Variants in NTRK3 observed in about 807,000 individuals in gnomAD.
NTRK3 encodes the protein neurotrophic receptor tyrosine kinase 3.
A neutral mutation model predicts 91.7 loss-of-function variants in NTRK3; 24 were observed. The observed-to-expected ratio is 0.26, with a 90% confidence interval of 0.19 to 0.37. The LOEUF (loss-of-function observed/expected upper bound fraction) is 0.37. Ranked by LOEUF, NTRK3 falls within the 10% of genes least tolerant of loss-of-function variation. The pLI, the probability that NTRK3 is intolerant of heterozygous loss-of-function variation, is 1.00. For missense variants in NTRK3, 880 were observed against 1,068.9 expected (o/e 0.82, Z 2.46); for synonymous variants, 483 against 404.0 (o/e 1.20, Z -2.34).
chr15:88,081,780 C>T (rs1276587105), intron 13 of NTRK3, among the ~76,000 whole-genome samples: 3 of 152,204 alleles, frequency 2.0e-5, no homozygotes, highest in African/African-American at 7.2e-5. Flanking sequence ...CATATGGTAA[C>T]AGCCCCCAAC....
At chr15:87,867,970 T>C (rs751503533) in exon 19 of NTRK3, 2 of 229,274 alleles carry the variant, frequency 8.7e-6, no homozygotes, top group Non-Finnish European at 1.7e-5. Context: ...AAGCCTTAAT[T>C]TCATGAGCTC....
chr15:88,022,882 T>C (rs1311967622), intron 14 of NTRK3, among the ~76,000 whole-genome samples: 1 of 152,190 alleles, frequency 6.6e-6, no homozygotes, highest in Non-Finnish European at 1.5e-5. Flanking sequence ...AGTATGTGAT[T>C]ATGGCAGTGA....
chr15:88,159,093 G>A (rs533930588), intron 5 of NTRK3, among the ~76,000 whole-genome samples: 4 of 152,220 alleles, frequency 2.6e-5, no homozygotes, highest in Non-Finnish European at 5.9e-5. Flanking sequence ...AGGCTGGTGG[G>A]AGCCTGCAGG....
chr15:88,030,640 C>T (rs2078447947), intron 14 of NTRK3, among the ~76,000 whole-genome samples: 1 of 152,124 alleles, frequency 6.6e-6, no homozygotes, highest in South Asian at 2.1e-4. Flanking sequence ...AATTTATGTG[C>T]AGTGCCAAAA....
chr15:88,255,779 G>C lies in NTRK3; in HGVS notation c.248+127C>G, dbSNP rs2053984365. The C allele has an allele frequency of 1.4e-6, 1 of 722,584 alleles. No individual in the cohort carries two copies. Among genetic ancestry groups the C allele is most frequent in the Non-Finnish European group, 2.0e-6 (1 of 510,616 alleles). 44.8% of individuals were successfully genotyped at this position (722,584 alleles called of 1,614,324 possible). ...TCTCCCGAGCCAGAGCGAGCCTGAC[G>C]CGCGCCCAGCGGGCGGCGGGCAGCG... On this transcript the variant is annotated intron_variant, in intron 3 of 18. Coordinates refer to ENST00000394480, the Ensembl canonical transcript of NTRK3. This position sits in a 1 kb window ranked among gnomAD's most constrained non-coding sequence, Gnocchi z 4.3.
At chr15:87,914,369 T>G (rs1031444920) in intron 17 of NTRK3, among the ~76,000 whole-genome samples, 1 of 152,364 alleles carries the variant, frequency 6.6e-6, no homozygotes, top group South Asian at 2.1e-4. Context: ...CAGATCCAGC[T>G]GGCTTTCCCT....
At chr15:88,239,155 G>T (rs1242531055) in intron 3 of NTRK3, among the ~76,000 whole-genome samples, 3 of 152,230 alleles carry the variant, frequency 2.0e-5, no homozygotes, top group African/African-American at 7.2e-5. Flanking sequence ...GGTGGGACTG[G>T]AGTGACAGGG....
At chr15:88,049,589 CTGAATAA>C (rs1346986682) in intron 13 of NTRK3, among the ~76,000 whole-genome samples, 1 of 152,204 alleles carries the variant, frequency 6.6e-6, no homozygotes, top group Non-Finnish European at 1.5e-5. Flanking sequence ...CAAGCCTTAT[CTGAATAA>C]TGTCAACCCT....
chr15:87,884,199 T>G (rs1037097014), intron 17 of NTRK3, among the ~76,000 whole-genome samples: 74 of 151,722 alleles, frequency 4.9e-4, no homozygotes, highest in African/African-American at 1.7e-3. Context: ...TAATAAGGGA[T>G]GTAGAGGAGA....
intron 14 of NTRK3, among the ~76,000 whole-genome samples, chr15:88,001,409 A>G (rs2076091247): frequency 6.6e-6 from 1 of 152,114 alleles, no homozygotes; most frequent in African/African-American, 2.4e-5. Context: ...AGAAATCATT[A>G]CCTAATCCAA....
chr15:88,213,735 G>A (rs1290606863), intron 3 of NTRK3, among the ~76,000 whole-genome samples: 1 of 152,114 alleles, frequency 6.6e-6, no homozygotes, highest in African/African-American at 2.4e-5. Flanking sequence ...AAGAAACCGA[G>A]GCACAGAGGA....
chr15:88,002,588 G>A (rs2076190773), intron 14 of NTRK3, among the ~76,000 whole-genome samples: 1 of 149,662 alleles, frequency 6.7e-6, no homozygotes, highest in Admixed American at 6.8e-5. Context: ...GGCAAACAAA[G>A]CAACAAACAA....
chr15:88,151,874 C>T (rs2043412376), intron 5 of NTRK3, among the ~76,000 whole-genome samples: 1 of 152,212 alleles, frequency 6.6e-6, no homozygotes, highest in Non-Finnish European at 1.5e-5. Flanking sequence ...GCTATTAAAC[C>T]AGACTGCCTC....
chr15:88,004,217 C>A (rs552506814), intron 14 of NTRK3, among the ~76,000 whole-genome samples: 14 of 152,284 alleles, frequency 9.2e-5, no homozygotes, highest in Admixed American at 3.9e-4. Flanking sequence ...TAATGCCCCT[C>A]CTGGCATCCC....
In NTRK3 at chr15:88,137,388, G is replaced by A. The variant is rs1227508127; in HGVS notation, c.622+16C>T. ...GCCTCCCTGGAGCCAGCTGGGCCAG[G>A]CGGCCACTCACTCACCACACTGACT... On this transcript the variant is annotated intron_variant, in intron 7 of 18. Transcript: ENST00000394480. 6.2e-6 allele frequency: 10 copies of A among 1,612,716 alleles called. No individual in the cohort carries two copies. Among genetic ancestry groups the A allele is most frequent in the African/African-American group, 1.3e-5 (1 of 74,934 alleles).
At chr15:87,885,375 T>C (rs1304198917) in intron 17 of NTRK3, among the ~76,000 whole-genome samples, 1 of 151,826 alleles carries the variant, frequency 6.6e-6, no homozygotes, top group Non-Finnish European at 1.5e-5. Context: ...AAAACCCAAA[T>C]GAAATGGTGT....
At chr15:88,032,354 G>A (rs2078617643) in intron 14 of NTRK3, among the ~76,000 whole-genome samples, 1 of 152,130 alleles carries the variant, frequency 6.6e-6, no homozygotes, top group African/African-American at 2.4e-5. Context: ...TAGCGCTGGG[G>A]CTGTGATCTG....
chr15:87,933,264 C>A (rs2141959883), intron 15 of NTRK3, 80 bp from the exon 16 acceptor site: 1 of 1,368,846 alleles, frequency 7.3e-7, no homozygotes, highest in Non-Finnish European at 1.0e-6. Flanking sequence ...AGAAACTGGC[C>A]CCACACACCA....
chr15:88,151,845 A>G (rs1250664064), intron 5 of NTRK3, among the ~76,000 whole-genome samples: 3 of 152,194 alleles, frequency 2.0e-5, no homozygotes, highest in Non-Finnish European at 4.4e-5. Flanking sequence ...TGCTGGTGGC[A>G]GGTCCTCTGC....
Sources: gnomAD v4.1 joint callset for allele counts (sites outside exome capture counted in the v4.1 genomes callset) on GRCh38, gnomAD v4.1.1 for gene constraint, Gnocchi (gnomAD v3.1) non-coding constraint, MANE v1.5 for transcripts, NCBI Gene and HGNC (gene_info 2026-07-23, HGNC 2026-07-21) for gene names.